The following TTC23 variants were observed in gnomAD, a reference collection of about 807,000 sequenced individuals.
The protein encoded by TTC23 is tetratricopeptide repeat protein 23.
Under a neutral mutation model 55.1 loss-of-function variants are expected in TTC23, and 58 were observed. That is an observed-to-expected ratio of 1.05 (90% confidence interval 0.85 to 1.31). TTC23 has a LOEUF of 1.31. Ranked by LOEUF, TTC23 falls within the 50% of genes most tolerant of loss-of-function variation. The pLI is 0.00. For synonymous variants in TTC23, 203 were observed against 199.9 expected, an observed-to-expected ratio of 1.02 and a Z score of -0.13; for missense variants, 516 against 534.4, an observed-to-expected ratio of 0.97 and a Z score of 0.34.
At chr15:99,138,431 A>C (rs1455307845) in intron 13 of TTC23, among the ~76,000 whole-genome samples, 1 of 151,798 alleles carries the variant, frequency 6.6e-6, no homozygotes, top group Non-Finnish European at 1.5e-5. Context: ...CTCATGCCTC[A>C]GTCTCCCGAG....
intron 1 of TTC23, among the ~76,000 whole-genome samples, chr15:99,248,705 A>G (rs555821326): frequency 1.6e-4 from 24 of 152,286 alleles, no homozygotes; most frequent in Non-Finnish European, 3.2e-4. Flanking sequence ...GAGGGGCTGG[A>G]TTTTATTACT....
chr15:99,194,897 C>T (rs1407983056), intron 9 of TTC23, among the ~76,000 whole-genome samples: 4 of 152,194 alleles, frequency 2.6e-5, no homozygotes, highest in African/African-American at 9.7e-5. Flanking sequence ...TGTACCATTG[C>T]ACTCTGGCCT....
At chr15:99,204,893 C>T (rs1013146844) in intron 8 of TTC23, among the ~76,000 whole-genome samples, 2 of 152,106 alleles carry the variant, frequency 1.3e-5, no homozygotes, top group African/African-American at 2.4e-5. Context: ...GCCTTGGCCT[C>T]CCAAAGTGCT....
In TTC23 at chr15:99,228,698, C is replaced by G; in HGVS notation, c.15G>C (p.Gln5His). 1 of 1,599,164 alleles carries G rather than the reference C, an allele frequency of 6.3e-7. No individual in the cohort carries two copies. Among genetic ancestry groups the G allele is most frequent in the Non-Finnish European group, 8.5e-7 (1 of 1,172,738 alleles). Residue 5 changes from glutamine to histidine, a missense_variant, in exon 5 of 14, where the codon CAG becomes CAC. Coordinates refer to ENST00000394132, the MANE Select transcript of TTC23 (RefSeq NM_001288615.3). Reference protein sequence around the residue: MQESQETHISNHLDE... With the variant: MQESHETHISNHLDE... ...CTAGGTGGTTGGATATGTGGGTTTC[C>G]TGTGATTCTTGCATATTTTTATATA...
intron 6 of TTC23, 130 bp from the exon 7 acceptor site, chr15:99,219,178 G>C: frequency 9.7e-7 from 1 of 1,029,570 alleles, no homozygotes; most frequent in Non-Finnish European, 1.4e-6. Context: ...AGACGTATCT[G>C]GGCAGCATGA....
intron 1 of TTC23, among the ~76,000 whole-genome samples, chr15:99,246,957 C>CA (rs1555544900): frequency 6.6e-6 from 1 of 151,606 alleles, no homozygotes; most frequent in Admixed American, 6.6e-5. Flanking sequence ...CCAAAAAAAC[C>CA]AAAAAACAAT....
chr15:99,221,646 A>T, intron 6 of TTC23, 95 bp downstream of exon 6: 1 of 1,496,556 alleles, frequency 6.7e-7, no homozygotes, highest in Admixed American at 2.1e-5. Context: ...GGAGAATATT[A>T]AAAAACCTGA....
Position 99,163,096 on chromosome 15 carries a change from A to AACAG in TTC23, c.866-1230_866-1229insCTGT, listed in dbSNP as rs1274095116. The stretch of plus-strand genomic sequence containing the variant: ...AAGACCCTGTCTCAAAAAACAAACA[A>AACAG]ACAAACAAACAAAAACAACAACAAC... On this transcript the variant is annotated intron_variant, in intron 10 of 13. Coordinates refer to ENST00000394132, the MANE Select transcript of TTC23 (RefSeq NM_001288615.3). Among the ~76,000 whole-genome samples, 3 of 151,748 alleles carry AACAG rather than the reference A, an allele frequency of 2.0e-5. No individual in the cohort carries two copies. In the South Asian group the frequency reaches 6.3e-4, roughly 32 times the overall value.
chr15:99,171,983 A>G (rs2073004087), intron 10 of TTC23, among the ~76,000 whole-genome samples: 1 of 151,650 alleles, frequency 6.6e-6, no homozygotes, highest in South Asian at 2.1e-4. Flanking sequence ...TGCCTGGGAG[A>G]AGTTGTCTTC....
chr15:99,248,018 T>C (rs573968409), intron 1 of TTC23, among the ~76,000 whole-genome samples: 1 of 152,272 alleles, frequency 6.6e-6, no homozygotes, highest in East Asian at 1.9e-4. Flanking sequence ...TGACAAGACT[T>C]TTATAAAGAC....
intron 10 of TTC23, among the ~76,000 whole-genome samples, chr15:99,168,762 G>T (rs2072506251): frequency 6.6e-6 from 1 of 152,148 alleles, no homozygotes; most frequent in Non-Finnish European, 1.5e-5. Context: ...TGGGGAACAG[G>T]CCTCCTCTCC....
chr15:99,197,202 A>ACGCCATTCTCCTGCCTCAGCCTCC (rs2075801695), intron 9 of TTC23, among the ~76,000 whole-genome samples: 4 of 151,338 alleles, frequency 2.6e-5, no homozygotes, highest in Admixed American at 2.0e-4. Flanking sequence ...TCCCAGGCTC[A>ACGCCATTCTCCTGCCTCAGCCTCC]CGCCATTCTC....
intron 8 of TTC23, among the ~76,000 whole-genome samples, chr15:99,215,426 C>T (rs997977716): frequency 6.6e-6 from 1 of 152,062 alleles, no homozygotes; most frequent in Non-Finnish European, 1.5e-5. Flanking sequence ...AAGTGACAAA[C>T]TCCACAGTAA....
At chr15:99,247,729 T>A (rs904480501) in intron 1 of TTC23, among the ~76,000 whole-genome samples, 13 of 72,252 alleles carry the variant, frequency 1.8e-4, no homozygotes, top group Non-Finnish European at 3.6e-4. Context: ...GGGCACAAAG[T>A]ATTTTTTTAG....
In TTC23 at chr15:99,199,582, G is replaced by T. The variant is rs1171939403; in HGVS notation, c.759+337C>A. On this transcript the variant is annotated intron_variant, in intron 9 of 13. Transcript: ENST00000394132. ...CTAGCAGCTAACAGACATAACTCTA[G>T]GTGGCTTCAGGTGAAGACTTTAGAA... Among the ~76,000 whole-genome samples, 10 of 151,524 alleles carry T rather than the reference G, an allele frequency of 6.6e-5. No individual in the cohort carries two copies. The Admixed American group carries it at 6.6e-4, about 10-fold the overall frequency.
At chr15:99,246,629 T>G (rs1488855724) in intron 1 of TTC23, among the ~76,000 whole-genome samples, 1 of 139,746 alleles carries the variant, frequency 7.2e-6, no homozygotes, top group South Asian at 2.2e-4. Context: ...AAAAAAAAAT[T>G]TATTAACATG....
At chr15:99,211,720 C>T (rs565384005) in intron 8 of TTC23, among the ~76,000 whole-genome samples, 60 of 152,260 alleles carry the variant, frequency 3.9e-4, no homozygotes, top group African/African-American at 1.4e-3. Context: ...TTCACAGCAA[C>T]CCCTGGAGGT....
chr15:99,182,223 A>ATCTCTCTC (rs147417590), intron 9 of TTC23, among the ~76,000 whole-genome samples: 6 of 132,330 alleles, frequency 4.5e-5, no homozygotes, highest in African/African-American at 1.7e-4. Flanking sequence ...TGTTCCAGAA[A>ATCTCTCTC]TCTCTCTCTC....
rs1555488837 is a variant in TTC23 at position 99,139,303 on chromosome 15, G to A, written c.1226+14C>T. On this transcript the variant is annotated intron_variant, in intron 13 of 13. Coordinates refer to ENST00000394132, the MANE Select transcript of TTC23 (RefSeq NM_001288615.3). The stretch of plus-strand genomic sequence containing the variant: ...GGGAATGAGATAGAGAAAGTGTGAG[G>A]GACGCCAACTCACGTGGACAGCATG... 6.2e-7 allele frequency: 1 copy of A among 1,609,922 alleles called. No homozygotes were observed. Among genetic ancestry groups the A allele is most frequent in the African/African-American group, 1.3e-5 (1 of 74,916 alleles).
Sources: gnomAD v4.1 joint callset for allele counts (sites outside exome capture counted in the v4.1 genomes callset) on GRCh38, gnomAD v4.1.1 for gene constraint, MANE v1.5 for transcripts, NCBI Gene and HGNC (gene_info 2026-07-23, HGNC 2026-07-21) for gene names.